MFSD12: variants seen among roughly 807,000 people sequenced by gnomAD.
The protein encoded by MFSD12 is major facilitator superfamily domain containing 12, also known as major facilitator superfamily domain-containing protein 12.
In MFSD12, 67 loss-of-function variants were observed where a neutral mutation model predicts 51.2. The ratio of observed to expected loss-of-function variants is 1.31; its 90% CI spans 1.08 to 1.60. The LOEUF is 1.60. MFSD12 is among the 40% of genes most tolerant of loss of function. The pLI is 0.00. For synonymous variants in MFSD12, 441 were observed against 316.7 expected (o/e 1.39, Z -4.17); for missense variants, 921 against 673.0 (o/e 1.37, Z -4.08).
intron 6 of MFSD12, among the ~76,000 whole-genome samples, chr19:3,546,919 C>T (rs548490339): frequency 3.1e-4 from 47 of 151,180 alleles, no homozygotes; most frequent in Non-Finnish European, 5.0e-4. Flanking sequence ...CTGCAAGCTC[C>T]GCCTCCCGGG....
chr19:3,553,160 G>C (rs1332924029), intron 1 of MFSD12, among the ~76,000 whole-genome samples: 1 of 152,164 alleles, frequency 6.6e-6, no homozygotes, highest in African/African-American at 2.4e-5. Flanking sequence ...TCCGGGGGCA[G>C]AGCATGAACT....
Position 3,551,302 on chromosome 19 carries a change from G to A in MFSD12, c.299-108C>T, listed in dbSNP as rs576282349. The A allele has an allele frequency of 4.5e-5, 39 of 864,864 alleles. No homozygotes were observed. The highest frequency in any genetic ancestry group is 2.9e-4 in the African/African-American group (17 of 58,946). The allele number at this position is 864,864 out of a possible 1,614,324, so 53.6% of individuals were successfully genotyped here. On this transcript the variant is annotated intron_variant, in intron 1 of 9. Coordinates refer to ENST00000355415, the MANE Select transcript of MFSD12 (RefSeq NM_174983.5). This position sits in a 1 kb window ranked among gnomAD's most constrained non-coding sequence, Gnocchi z 4.6. ...GGGAAACTGAGGCACAGATGGAGACGCCCCCCGCATGCACACAGTCACGCA... is the reference window on the plus strand; with the variant it reads ...GGGAAACTGAGGCACAGATGGAGACACCCCCCGCATGCACACAGTCACGCA...
In MFSD12 at chr19:3,557,356, C is replaced by G; in HGVS notation, c.48G>C (p.Pro16=). Residue 16 remains proline (P), a synonymous_variant, in exon 1 of 10, where the codon CCG becomes CCC. Transcript: ENST00000355415. The part of the protein sequence containing the change: ...PAAGAAPSPR[P]LSLVARLSYA... The stretch of plus-strand genomic sequence containing the variant: ...AGCTCAGCCGCGCCACCAGGGACAG[C>G]GGCCGCGGGGACGGCGCCGCTCCGG... The G allele has an allele frequency of 6.6e-7, 1 of 1,514,030 alleles. No homozygotes were observed. Among genetic ancestry groups the G allele is most frequent in the Non-Finnish European group, 8.8e-7 (1 of 1,132,072 alleles). 93.8% of individuals were successfully genotyped at this position (1,514,030 alleles called of 1,614,324 possible). A position where few individuals can be genotyped will look rare whatever the true frequency, so the allele number is the denominator to read the frequency against.
chr19:3,544,838 A>C lies in MFSD12; in HGVS notation c.1391T>G (p.Leu464Arg). ...TCGCAGGCGGGTCGGCCACAGCAGG[A>C]GGCTACAGAGACACAGGGCAGCGGC... ...GVAAALCLCSLLLWPTRLRRW... is the reference protein window; with the variant it reads ...GVAAALCLCSRLLWPTRLRRW... Residue 464 changes from leucine (L) to arginine (R), a missense_variant, in exon 9 of 10, where the codon CTC (leucine) becomes CGC (arginine). Physicochemically the swap from Leu to Arg is moderately radical, Grantham distance 102. Transcript: ENST00000355415. The C allele has an allele frequency of 6.2e-7, 1 of 1,612,520 alleles. No individual in the cohort carries two copies. Among genetic ancestry groups the C allele is most frequent in the Non-Finnish European group, 8.5e-7 (1 of 1,179,698 alleles).
downstream of MFSD12, chr19:3,544,079 G>A: frequency 3.4e-6 from 5 of 1,457,586 alleles, no homozygotes; most frequent in Non-Finnish European, 4.6e-6. Context: ...AGTCCCAGGG[G>A]ACCAGAGGCT....
intron 4 of MFSD12, chr19:3,539,095 T>C (rs1052286520): frequency 4.6e-6 from 4 of 878,674 alleles, no homozygotes; most frequent in East Asian, 2.7e-5. Context: ...GTCAGCGTGG[T>C]TGCCGAGACA....
intron 1 of MFSD12, 69 bp downstream of exon 1, chr19:3,557,037 G>C: frequency 8.0e-7 from 1 of 1,246,112 alleles, no homozygotes; most frequent in Non-Finnish European, 1.0e-6. Context: ...GTGAGTCAGA[G>C]GGAGGAGGCG....
downstream of MFSD12, chr19:3,543,780 C>T (rs1177774605): frequency 1.3e-6 from 2 of 1,491,578 alleles, no homozygotes; most frequent in African/African-American, 2.8e-5. Flanking sequence ...CCCTTGCTGG[C>T]CAACGGCGAG....
intron 2 of MFSD12, among the ~76,000 whole-genome samples, chr19:3,550,135 T>C (rs988894793): frequency 6.6e-6 from 1 of 152,108 alleles, no homozygotes; most frequent in Non-Finnish European, 1.5e-5. Flanking sequence ...CAGCCTTCCA[T>C]AAGACGCTAG....
chr19:3,545,764 C>T (rs1485720397), intron 8 of MFSD12, among the ~76,000 whole-genome samples: 1 of 152,236 alleles, frequency 6.6e-6, no homozygotes, highest in East Asian at 1.9e-4. Flanking sequence ...TAGAACCATC[C>T]ATGTCTGAAC....
rs777325653 is a variant in MFSD12, at chr19:3,548,273, G to A, written c.510-6C>T. On this transcript the variant is annotated splice_region_variant and splice_polypyrimidine_tract_variant and intron_variant, in intron 2 of 9. Coordinates refer to ENST00000355415, the MANE Select transcript of MFSD12 (RefSeq NM_174983.5). The stretch of plus-strand genomic sequence containing the variant: ...CCACCACGGTGAACGCATACCTGGC[G>A]GGCAGGCGGGCAGGGACTCAACAAG... 4.4e-5 allele frequency: 68 copies of A among 1,546,526 alleles called. No homozygotes were observed. Among genetic ancestry groups the A allele is most frequent in the South Asian group, 1.5e-4 (13 of 84,064 alleles).
rs2030780956 is a variant in MFSD12, at chr19:3,544,570, A to AC, written c.*139dup. The AC allele has an allele frequency of 1.2e-5, 17 of 1,452,502 alleles. No homozygotes were observed. The highest frequency in any genetic ancestry group is 1.4e-5 in the Non-Finnish European group (16 of 1,106,884). 90.0% of individuals were successfully genotyped at this position (1,452,502 alleles called of 1,614,324 possible). On this transcript the variant is annotated 3_prime_UTR_variant, in exon 10 of 10. Transcript: ENST00000355415. ...ATCCCTGCTGCCCTCACCCGACCCCACCCCCGGGAGCTGGGTGAGGATGGA... is the reference window on the plus strand; with the variant it reads ...ATCCCTGCTGCCCTCACCCGACCCCACCCCCCGGGAGCTGGGTGAGGATGGA...
rs1161445546 is a variant in MFSD12, at chr19:3,557,226, G to A, written c.178C>T (p.Leu60=). ...VRAYSSRGAG[L]LLLLGQVADG... ...GCCACCTGGCCCAGCAGCAGCAGCA[G>A]CCCCGCGCCGCGGGAGCTGTAGGCG... is the stretch of plus-strand genomic sequence containing the variant. Residue 60 remains leucine, a synonymous_variant, in exon 1 of 10, where the codon CTG becomes TTG. Coordinates refer to ENST00000355415, the MANE Select transcript of MFSD12 (RefSeq NM_174983.5). 1.3e-6 allele frequency: 2 copies of A among 1,588,474 alleles called. No homozygotes were observed. Among genetic ancestry groups the A allele is most frequent in the East Asian group, 2.3e-5 (1 of 43,046 alleles).
Position 3,546,085 on chromosome 19 carries a change from C to G in MFSD12, c.1278G>C (p.Leu426=), listed in dbSNP as rs372586191. The G allele has an allele frequency of 1.9e-6, 3 of 1,613,242 alleles. No homozygotes were observed. Among genetic ancestry groups the G allele is most frequent in the Non-Finnish European group, 2.5e-6 (3 of 1,179,962 alleles). Reference sequence around the variant, plus strand: ...ACAGCGGCACTCACGGGCAAGGGTGCAGGCTCTGGATGGCCATGACTGCCA... The same window carrying G: ...ACAGCGGCACTCACGGGCAAGGGTGGAGGCTCTGGATGGCCATGACTGCCA... ...NGLAVMAIQS[L]HPCPSELCCR... is the part of the protein sequence containing the mutation. The change falls in exon 8 of 10, where the codon CTG becomes CTC. Residue 426 remains leucine, a synonymous_variant. Coordinates refer to ENST00000355415, the MANE Select transcript of MFSD12 (RefSeq NM_174983.5).
rs1325290006 is a variant in MFSD12 at position 3,547,321 on chromosome 19, A to C, written c.974T>G (p.Phe325Cys). 1 of 1,613,356 alleles carries C rather than the reference A, an allele frequency of 6.2e-7. No homozygotes were observed. Among genetic ancestry groups the C allele is most frequent in the Non-Finnish European group, 8.5e-7 (1 of 1,179,954 alleles). ...TIPLVMYLSG[F>C]LSSFLMKPIN... is the part of the protein sequence containing the mutation. ...GGGCTTCATGAGGAAGGAGGACAAG[A>C]AGCCGCTGAGGTACATCACCAGGGG... The change falls in exon 6 of 10, where the codon TTC becomes TGC. Residue 325 changes from phenylalanine (F) to cysteine (C), a missense_variant. Phe to Cys is a radical substitution (Grantham distance 205). Transcript: ENST00000355415.
rs1341616548 is a variant in MFSD12 at position 3,544,290 on chromosome 19, C to T, written c.*420G>A. The T allele has an allele frequency of 1.4e-5, 18 of 1,287,932 alleles. No homozygotes were observed. Among genetic ancestry groups the T allele is most frequent in the Non-Finnish European group, 1.8e-5 (18 of 1,018,340 alleles). The allele number at this position is 1,287,932 out of a possible 1,614,324, so 79.8% of individuals were successfully genotyped here. On this transcript the variant is annotated 3_prime_UTR_variant, in exon 10 of 10. Transcript: ENST00000355415. Reference sequence around the variant, plus strand: ...CACGGTGGGGTCCAGGCCCAGCCCACCACCCCGTGGCTGTCTCCTCCAGGC... The same window carrying T: ...CACGGTGGGGTCCAGGCCCAGCCCATCACCCCGTGGCTGTCTCCTCCAGGC...
Position 3,546,265 on chromosome 19 carries a change from C to G in MFSD12, c.1184G>C (p.Gly395Ala). ...GGCTACCAGCCCTACCGTGTGGGGA[C>G]CGATGAGGTCGGCCGTCATGGCCAG... ...TSLAMTADLI[G>A]PHTNSGAFVY... is the part of the protein sequence containing the mutation. The change falls in exon 7 of 10, where the codon GGT becomes GCT. Residue 395 changes from glycine (G) to alanine (A), a missense_variant. Physicochemically the swap from Gly to Ala is moderately conservative, Grantham distance 60 (BLOSUM62 0). Transcript: ENST00000355415. 1 of 1,610,770 alleles carries G rather than the reference C, an allele frequency of 6.2e-7. No homozygotes were observed.
chr19:3,542,370 G>A (rs747367638), downstream of MFSD12: 91 of 985,300 alleles, frequency 9.2e-5, no homozygotes, highest in Non-Finnish European at 1.0e-4. Flanking sequence ...AGATTGTTTT[G>A]AACCCTGCTA....
intron 1 of MFSD12, among the ~76,000 whole-genome samples, chr19:3,553,728 C>CAAAAAA (rs35093968): frequency 3.3e-5 from 2 of 61,318 alleles, no homozygotes; most frequent in Non-Finnish European, 5.5e-5. Context: ...CTCCATCTCT[C>CAAAAAA]AAAAAAAAAA....
Sources: allele counts gnomAD v4.1 joint callset (sites outside exome capture counted in the v4.1 genomes callset), GRCh38; gene constraint gnomAD v4.1.1; non-coding constraint Gnocchi (gnomAD v3.1); transcripts MANE v1.5; gene names NCBI Gene and HGNC (gene_info 2026-07-23, HGNC 2026-07-21).